Variants in SNX4 observed in about 807,000 individuals in gnomAD.
SNX4 encodes the protein sorting nexin 4.
In SNX4, 49 loss-of-function variants were observed where a neutral mutation model predicts 70.8. The observed-to-expected ratio is 0.69, with a 90% CI of 0.55 to 0.88. SNX4 has a LOEUF of 0.88. SNX4 is among the 40% of genes least tolerant of loss of function. SNX4 has a pLI of 0.00. For missense variants in SNX4, 528 were observed against 544.8 expected, an observed-to-expected ratio of 0.97 and a Z score of 0.31; for synonymous variants, 206 against 183.8, an observed-to-expected ratio of 1.12 and a Z score of -0.98.
intron 9 of SNX4, among the ~76,000 whole-genome samples, chr3:125,464,558 ATCTT>A (rs1933960482): frequency 2.2e-5 from 2 of 90,062 alleles, no homozygotes; most frequent in African/African-American, 4.6e-5. Context: ...TGATCTATTT[ATCTT>A]TCTTTTTTTT....
intron 5 of SNX4, 89 bp downstream of exon 5, chr3:125,497,252 A>G: frequency 1.4e-6 from 1 of 715,340 alleles, no homozygotes; most frequent in Non-Finnish European, 2.4e-6. Context: ...ACATTCATTT[A>G]TTCAATAAAT....
At chr3:125,474,586 G>A (rs1934250638) in intron 8 of SNX4, among the ~76,000 whole-genome samples, 1 of 152,132 alleles carries the variant, frequency 6.6e-6, no homozygotes, top group Admixed American at 6.5e-5. Flanking sequence ...AAAGTGCTAG[G>A]ATTACAGATG....
chr3:125,490,753 A>C (rs9870380), intron 5 of SNX4, among the ~76,000 whole-genome samples: 3,681 of 151,750 alleles, frequency 0.024, 163 homozygotes, highest in African/African-American at 0.082. Context: ...AACACATCCA[A>C]ATCCTGTCCT....
At chr3:125,499,020 ATTAG>A (rs1934869026) in intron 2 of SNX4, among the ~76,000 whole-genome samples, 1 of 152,188 alleles carries the variant, frequency 6.6e-6, no homozygotes, top group Non-Finnish European at 1.5e-5. Context: ...AGAACAAAAT[ATTAG>A]TTAGCTCTGA....
chr3:125,514,910 G>C (rs1935242161), intron 1 of SNX4, among the ~76,000 whole-genome samples: 1 of 151,686 alleles, frequency 6.6e-6, no homozygotes, highest in African/African-American at 2.4e-5. Context: ...TCAAGGCATG[G>C]GCCTCAGCCT....
At chr3:125,492,750 C>T (rs1169922433) in intron 5 of SNX4, among the ~76,000 whole-genome samples, 1 of 152,210 alleles carries the variant, frequency 6.6e-6, no homozygotes, top group Admixed American at 6.5e-5. Flanking sequence ...TCATTCACTA[C>T]TGTATCCACA....
At chr3:125,518,034 T>C (rs1207002014) in intron 1 of SNX4, among the ~76,000 whole-genome samples, 1 of 152,170 alleles carries the variant, frequency 6.6e-6, no homozygotes, top group Non-Finnish European at 1.5e-5. Context: ...TACTGCATGA[T>C]AGCATCCCTG....
chr3:125,513,882 T>C (rs985405909), intron 1 of SNX4, among the ~76,000 whole-genome samples: 5 of 152,184 alleles, frequency 3.3e-5, no homozygotes, highest in Admixed American at 2.0e-4. Flanking sequence ...ACTGGGTGAT[T>C]TGTAAACAAC....
chr3:125,504,599 C>A, intron 2 of SNX4, 24 bp downstream of exon 2: 4 of 1,602,550 alleles, frequency 2.5e-6, no homozygotes, highest in South Asian at 1.1e-5. Context: ...GTCTACCTGC[C>A]CAGGTGTAAT....
At chr3:125,470,489 T>TAA (rs371640854) in intron 8 of SNX4, among the ~76,000 whole-genome samples, 8 of 139,140 alleles carry the variant, frequency 5.7e-5, no homozygotes, top group African/African-American at 1.3e-4. Context: ...CCTAAAAAGT[T>TAA]AAAAAAAAAA....
intron 5 of SNX4, among the ~76,000 whole-genome samples, chr3:125,491,522 A>C (rs989061498): frequency 6.6e-6 from 1 of 152,170 alleles, no homozygotes; most frequent in African/African-American, 2.4e-5. Context: ...TTGCTAACCA[A>C]ATGTTTTGTC....
intron 13 of SNX4, among the ~76,000 whole-genome samples, chr3:125,448,173 C>T (rs1301360473): frequency 6.6e-6 from 1 of 151,246 alleles, no homozygotes; most frequent in Non-Finnish European, 1.5e-5. Context: ...CACTCTGTTA[C>T]CCAGGCTGGA....
intron 5 of SNX4, 119 bp downstream of exon 5, chr3:125,497,222 T>C: frequency 1.7e-6 from 1 of 603,954 alleles, no homozygotes; most frequent in Non-Finnish European, 2.9e-6. Flanking sequence ...CCAATGATAT[T>C]TATTGTAAGA....
chr3:125,454,873 T>C (rs553092034), intron 11 of SNX4, among the ~76,000 whole-genome samples: 2 of 152,148 alleles, frequency 1.3e-5, no homozygotes, highest in South Asian at 2.1e-4. Context: ...AGAATCCTAA[T>C]AGAATTTCTA....
At chr3:125,466,298 A>G (rs1388020258) in intron 9 of SNX4, among the ~76,000 whole-genome samples, 1 of 152,030 alleles carries the variant, frequency 6.6e-6, no homozygotes, top group African/African-American at 2.4e-5. Flanking sequence ...ACAAAAATCA[A>G]CTCAAGATAG....
At chr3:125,479,057 T>C (rs1010744860) in intron 7 of SNX4, among the ~76,000 whole-genome samples, 3 of 152,206 alleles carry the variant, frequency 2.0e-5, no homozygotes, top group African/African-American at 7.2e-5. Context: ...AATTTTTTCC[T>C]TTATTGTATT....
At chr3:125,500,527 C>T (rs943357860) in intron 2 of SNX4, among the ~76,000 whole-genome samples, 1 of 151,768 alleles carries the variant, frequency 6.6e-6, no homozygotes, top group Non-Finnish European at 1.5e-5. Context: ...ACTGGCCAGG[C>T]GCAGTGGCTC....
chr3:125,497,771 C>T (rs1313502558), intron 4 of SNX4, 63 bp downstream of exon 4: 2 of 1,163,574 alleles, frequency 1.7e-6, no homozygotes, highest in East Asian at 2.6e-5. Context: ...AAGTATTCTA[C>T]AATTTTTTTA....
chr3:125,495,450 C>T (rs1012370855), intron 5 of SNX4, among the ~76,000 whole-genome samples: 2 of 151,206 alleles, frequency 1.3e-5, no homozygotes, highest in African/African-American at 4.9e-5. Context: ...CATGGGTTTC[C>T]GAATTCTCTC....
Sources: allele counts gnomAD v4.1 joint callset (sites outside exome capture counted in the v4.1 genomes callset), GRCh38; gene constraint gnomAD v4.1.1; transcripts MANE v1.5; gene names NCBI Gene and HGNC (gene_info 2026-07-23, HGNC 2026-07-21).